PRICKLE2: variants seen among roughly 807,000 people sequenced by gnomAD.
The protein encoded by PRICKLE2 is prickle planar cell polarity protein 2.
In PRICKLE2, 21 loss-of-function variants were observed where a neutral mutation model predicts 81.4. The ratio of observed to expected loss-of-function variants is 0.26; its 90% CI spans 0.18 to 0.37. PRICKLE2 has a LOEUF of 0.37. PRICKLE2 is among the 10% of genes least tolerant of loss of function. The pLI is 1.00. For synonymous variants in PRICKLE2, 456 were observed against 421.5 expected (o/e 1.08, Z -1.00); for missense variants, 940 against 1,109.0 (o/e 0.85, Z 2.16).
chr3:64,206,151 T>C (rs2078684580), intron 1 of PRICKLE2, among the ~76,000 whole-genome samples: 1 of 152,168 alleles, frequency 6.6e-6, no homozygotes, highest in Non-Finnish European at 1.5e-5. Context: ...TACATGGAGA[T>C]GCATGGGGAA....
At chr3:64,206,952 G>A (rs954466945) in intron 1 of PRICKLE2, among the ~76,000 whole-genome samples, 7 of 152,142 alleles carry the variant, frequency 4.6e-5, no homozygotes, top group African/African-American at 1.7e-4. Context: ...CAGGCTGGAG[G>A]GCAGTGGTGT....
chr3:64,133,624 C>T (rs1027290501), intron 7 of PRICKLE2, among the ~76,000 whole-genome samples: 1 of 152,116 alleles, frequency 6.6e-6, no homozygotes, highest in African/African-American at 2.4e-5. Flanking sequence ...GAAGGCTGAG[C>T]TCTGTGAACT....
Position 64,099,770 on chromosome 3 carries a change from G to A in PRICKLE2, c.1816C>T (p.Arg606Cys), listed in dbSNP as rs780001586. 1 of 1,614,084 alleles carries A rather than the reference G, an allele frequency of 6.2e-7. No homozygotes were observed. The change falls in exon 8 of 8, where the codon CGC becomes TGC. Residue 606 changes from arginine (R) to cysteine (C), a missense_variant. Physicochemically the swap from Arg to Cys is radical, Grantham distance 180. This residue lies in a region of PRICKLE2 where 670 missense variants were observed against 717.2 expected (regional missense o/e 0.93). Transcript: ENST00000638394. The surrounding 1 kb of genome is among the most constrained non-coding windows in gnomAD (Gnocchi z 4.3). ...TACTGCTGGGCAGAGAGCAGGCTGC[G>A]AACTGACTCTGCGCTCCGGAACTGC... ...SMQFRSAESV[R>C]SLLSAQQYQE...
chr3:64,258,046 A>G (rs1280163847), intron 2 of PRICKLE2, among the ~76,000 whole-genome samples: 1 of 152,174 alleles, frequency 6.6e-6, no homozygotes, highest in African/African-American at 2.4e-5. Context: ...TTGAACCTCC[A>G]AGCACCAGAA....
intron 2 of PRICKLE2, among the ~76,000 whole-genome samples, chr3:64,253,625 CTTATTTGGAAGGCAA>C (rs1288576420): frequency 3.3e-5 from 5 of 152,162 alleles, no homozygotes; most frequent in African/African-American, 1.2e-4. Flanking sequence ...TTCGACATGC[CTTATTTGGAAGGCAA>C]CCATGAGACA....
In PRICKLE2 at chr3:64,241,712, C is replaced by A. The variant is rs148502726; in HGVS notation, c.129-42745G>T. Among the ~76,000 whole-genome samples the A allele has an allele frequency of 6.1e-3, 927 of 152,270 alleles. 7 individuals carry two copies. Among genetic ancestry groups the A allele is most frequent in the African/African-American group, 0.021 (877 of 41,558 alleles). ...TCTCAGAGGCTGTTTCTTCCTGTGT[C>A]CTGCTGCAGAAATCATCCCTCTTCT... On this transcript the variant is annotated intron_variant, in intron 2 of 8. Coordinates refer to the PRICKLE2 transcript ENST00000295902.
intron 3 of PRICKLE2, among the ~76,000 whole-genome samples, chr3:64,160,613 C>T (rs2077717547): frequency 6.6e-6 from 1 of 152,132 alleles, no homozygotes. Context: ...GGAGTTGGAC[C>T]AGGCATCTGT....
intron 6 of PRICKLE2, among the ~76,000 whole-genome samples, chr3:64,152,001 C>G (rs1001705498): frequency 6.6e-6 from 1 of 152,128 alleles, no homozygotes; most frequent in Non-Finnish European, 1.5e-5. Context: ...ACAAGAATGC[C>G]CAATGACAAA....
Position 64,178,963 on chromosome 3 carries a change from TTTTCTTTCTTTCTTTCTTTCTTTC to T in PRICKLE2, c.145-15858_145-15835del, listed in dbSNP as rs373261746. Among the ~76,000 whole-genome samples the T allele has an allele frequency of 5.8e-3, 642 of 111,090 alleles. 4 individuals are homozygous for T. The highest frequency in any genetic ancestry group is 0.019 in the East Asian group (68 of 3,652). 72.9% of individuals were successfully genotyped at this position (111,090 alleles called of 152,430 possible). ...GACTGAAGATTATCTAACATACATA[TTTTCTTTCTTTCTTTCTTTCTTTC>T]TTTCTTTCTTTCTTTCTTTCTTTCT... On this transcript the variant is annotated intron_variant, in intron 2 of 7. Coordinates refer to ENST00000638394, the MANE Select transcript of PRICKLE2 (RefSeq NM_198859.4).
Position 64,146,851 on chromosome 3 carries a change from G to C in PRICKLE2, c.1639C>G (p.Leu547Val). The C allele has an allele frequency of 6.2e-7, 1 of 1,614,152 alleles. No homozygotes were observed. Among genetic ancestry groups the C allele is most frequent in the Non-Finnish European group, 8.5e-7 (1 of 1,180,036 alleles). The change falls in exon 7 of 8, where the codon CTG becomes GTG. Residue 547 changes from leucine (L) to valine (V), a missense_variant. Leu to Val is a conservative substitution (Grantham distance 32, BLOSUM62 1). This residue lies in a region of PRICKLE2 where 670 missense variants were observed against 717.2 expected (regional missense o/e 0.93). Transcript: ENST00000638394. ...CTACCTGTTGCATTAGACAGGGCCA[G>C]GGATTCCATGGAGCCCCGAGGGGTC... ...EQTPRGSMESLALSNATGLSA... is the reference protein window; with the variant it reads ...EQTPRGSMESVALSNATGLSA...
At position 64,109,013 on chromosome 3, in the gene PRICKLE2, A is replaced by G. The variant is rs550405555; in HGVS notation, c.1661-9088T>C. ...TCCCTGGAGGGCAAAATCGCCCCCA[A>G]CTGAGGACCGCTGCTCTAACAGATC... On this transcript the variant is annotated intron_variant, in intron 7 of 7. Coordinates refer to ENST00000638394, the MANE Select transcript of PRICKLE2 (RefSeq NM_198859.4). Among the ~76,000 whole-genome samples the G allele has an allele frequency of 2.6e-5, 4 of 152,176 alleles. No homozygotes were observed. The South Asian group carries it at 6.2e-4, about 24-fold the overall frequency.
Position 64,099,099 on chromosome 3 carries a change from C to A in PRICKLE2, c.2487G>T (p.Gln829His), listed in dbSNP as rs868313233. ...TCTTCTGTCTTTTCCTGCTGTGCAA[C>A]TGTCCTCTGCCACCTAATGTGGAAG... Reference protein sequence around the residue: ...PKSSTLGGRGQLHSRKRQKSK... With the variant: ...PKSSTLGGRGHLHSRKRQKSK... The change falls in exon 8 of 8, where the codon CAG (glutamine) becomes CAT (histidine). Residue 829 changes from glutamine (Q) to histidine (H), a missense_variant. Transcript: ENST00000638394. This position sits in a 1 kb window ranked among gnomAD's most constrained non-coding sequence, Gnocchi z 4.3. 1.9e-6 allele frequency: 3 copies of A among 1,614,108 alleles called. No homozygotes were observed. The African/African-American group carries it at 4.0e-5, about 22-fold the overall frequency.
chr3:64,260,638 G>A (rs529981645), intron 2 of PRICKLE2, among the ~76,000 whole-genome samples: 6 of 152,230 alleles, frequency 3.9e-5, no homozygotes, highest in South Asian at 2.1e-4. Flanking sequence ...CCTCTCGTCC[G>A]GGGAAGGACA....
chr3:64,241,401 C>T (rs1164305701), intron 2 of PRICKLE2, among the ~76,000 whole-genome samples: 3 of 152,160 alleles, frequency 2.0e-5, no homozygotes, highest in Admixed American at 1.3e-4. Context: ...TTATCCTGCT[C>T]GTTTCTCTTA....
At chr3:64,228,542 T>TTG, upstream of PRICKLE2, among the ~76,000 whole-genome samples, 1 of 152,046 alleles carries the variant, frequency 6.6e-6, no homozygotes, top group East Asian at 1.9e-4. Context: ...AGGTGTTTTT[T>TTG]TTTTTACAAA....
intron 5 of PRICKLE2, 92 bp downstream of exon 5, chr3:64,157,070 T>C: frequency 2.5e-6 from 3 of 1,210,732 alleles, no homozygotes; most frequent in Non-Finnish European, 3.7e-6. Flanking sequence ...TGCCTATGGC[T>C]TTCTTCAGTG....
intron 7 of PRICKLE2, among the ~76,000 whole-genome samples, chr3:64,109,366 A>G (rs978944473): frequency 9.9e-5 from 15 of 152,166 alleles, no homozygotes; most frequent in African/African-American, 3.6e-4. Flanking sequence ...AAGCTTTTGA[A>G]ATCCTGAGTT....
intron 7 of PRICKLE2, among the ~76,000 whole-genome samples, chr3:64,109,217 G>A (rs555290160): frequency 5.9e-5 from 9 of 152,196 alleles, no homozygotes; most frequent in African/African-American, 1.9e-4. Flanking sequence ...GTTGGGTGTG[G>A]TATGTCCCCA....
At chr3:64,155,962 T>C (rs2077629788) in intron 5 of PRICKLE2, among the ~76,000 whole-genome samples, 1 of 152,194 alleles carries the variant, frequency 6.6e-6, no homozygotes, top group African/African-American at 2.4e-5. Context: ...CACAGCTTTG[T>C]GAATATACTA....
Sources: allele counts gnomAD v4.1 joint callset (sites outside exome capture counted in the v4.1 genomes callset), GRCh38; gene constraint gnomAD v4.1.1; regional missense constraint gnomAD v4.1.1; non-coding constraint Gnocchi (gnomAD v3.1); transcripts MANE v1.5; gene names NCBI Gene and HGNC (gene_info 2026-07-23, HGNC 2026-07-21).